NRG1: variants seen among roughly 807,000 people sequenced by gnomAD.
The protein encoded by NRG1 is neuregulin 1.
A neutral mutation model predicts 63.8 loss-of-function variants in NRG1; 18 were observed. The observed-to-expected ratio is 0.28, with a 90% confidence interval of 0.19 to 0.42. The LOEUF is 0.42. Among genes scored for constraint, NRG1 ranks in the 10% least tolerant of loss-of-function variants. NRG1 has a pLI of 1.00. For synonymous variants in NRG1, 302 were observed against 301.3 expected, an observed-to-expected ratio of 1.00 and a Z score of -0.02; for missense variants, 762 against 814.7, an observed-to-expected ratio of 0.94 and a Z score of 0.79.
chr8:32,371,423 A>G (rs1808842713), intron 1 of NRG1, among the ~76,000 whole-genome samples: 1 of 152,188 alleles, frequency 6.6e-6, no homozygotes, highest in South Asian at 2.1e-4. Flanking sequence ...ATCAGTTTTT[A>G]AAAGATGGGC....
chr8:32,302,689 C>A (rs925654430), intron 1 of NRG1, among the ~76,000 whole-genome samples: 1 of 146,496 alleles, frequency 6.8e-6, no homozygotes, highest in Non-Finnish European at 1.5e-5. Flanking sequence ...CTGTGGCATG[C>A]AGAGAGTAGT....
At chr8:32,298,663 G>A (rs1329570197) in intron 1 of NRG1, among the ~76,000 whole-genome samples, 8 of 142,120 alleles carry the variant, frequency 5.6e-5, no homozygotes, top group African/African-American at 1.6e-4. Flanking sequence ...GCAGTGAGCC[G>A]AGACTGCACC....
At chr8:32,420,240 G>A (rs1018261921) in intron 1 of NRG1, among the ~76,000 whole-genome samples, 2 of 152,120 alleles carry the variant, frequency 1.3e-5, no homozygotes, top group African/African-American at 4.8e-5. Context: ...CTTAATGGTG[G>A]CTTGTGGCTC....
At chr8:32,769,809 G>A (rs556272416), downstream of NRG1, among the ~76,000 whole-genome samples, 133 of 152,164 alleles carry the variant, frequency 8.7e-4, no homozygotes, top group African/African-American at 3.2e-3. Context: ...TCCCCTGCAG[G>A]TATCTTTAGG....
intron 1 of NRG1, among the ~76,000 whole-genome samples, chr8:32,012,511 A>G (rs1032311252): frequency 1.3e-5 from 2 of 152,128 alleles, no homozygotes; most frequent in Non-Finnish European, 2.9e-5. Context: ...CAGCTTCTTA[A>G]GAATTATAAT....
chr8:32,289,241 C>A (rs891833970), intron 1 of NRG1, among the ~76,000 whole-genome samples: 1 of 152,034 alleles, frequency 6.6e-6, no homozygotes, highest in African/African-American at 2.4e-5. Flanking sequence ...GATGGACTTC[C>A]TGATTTCTGT....
chr8:32,063,383 T>C (rs923262986), intron 1 of NRG1: 1 of 152,162 alleles, frequency 6.6e-6, no homozygotes, highest in Non-Finnish European at 1.5e-5. Flanking sequence ...TGACCAATGC[T>C]TGGTGGAAAG....
At chr8:32,317,188 G>A (rs1049534739) in intron 1 of NRG1, among the ~76,000 whole-genome samples, 1 of 152,186 alleles carries the variant, frequency 6.6e-6, no homozygotes, top group Non-Finnish European at 1.5e-5. Flanking sequence ...TGTTATCTCA[G>A]TGGGAAAAAT....
At chr8:32,453,930 G>A (rs754457157) in intron 1 of NRG1, among the ~76,000 whole-genome samples, 1 of 152,136 alleles carries the variant, frequency 6.6e-6, no homozygotes, top group Non-Finnish European at 1.5e-5. Context: ...AACATTGGAT[G>A]TAATCCACCT....
chr8:31,826,882 T>C (rs1824620321), intron 1 of NRG1, among the ~76,000 whole-genome samples: 1 of 152,212 alleles, frequency 6.6e-6, no homozygotes, highest in Non-Finnish European at 1.5e-5. Context: ...GGTTTGTTAA[T>C]TTTGTTTTGT....
chr8:32,572,081 A>G (rs1360491439), intron 1 of NRG1, among the ~76,000 whole-genome samples: 1 of 152,034 alleles, frequency 6.6e-6, no homozygotes, highest in Non-Finnish European at 1.5e-5. Flanking sequence ...CTGTCTTCTG[A>G]CTTTTTACCA....
intron 1 of NRG1, among the ~76,000 whole-genome samples, chr8:32,058,038 A>T (rs184782376): frequency 2.2e-5 from 2 of 92,742 alleles, no homozygotes; most frequent in Admixed American, 2.8e-4. Context: ...TTAAGGTGAT[A>T]CATATTCCAA....
At chr8:32,740,044 C>T (rs1410995867) in intron 6 of NRG1, among the ~76,000 whole-genome samples, 1 of 151,948 alleles carries the variant, frequency 6.6e-6, no homozygotes, top group African/African-American at 2.4e-5. Flanking sequence ...CAAATAAAAA[C>T]CCTATTTACT....
At chr8:31,875,170 C>T (rs529748585) in intron 1 of NRG1, among the ~76,000 whole-genome samples, 100 of 152,160 alleles carry the variant, frequency 6.6e-4, no homozygotes, top group African/African-American at 2.2e-3. Flanking sequence ...TTAGGGCATC[C>T]CTTTATCCAT....
chr8:32,503,447 A>C (rs1021247988), intron 1 of NRG1, among the ~76,000 whole-genome samples: 1 of 152,152 alleles, frequency 6.6e-6, no homozygotes, highest in African/African-American at 2.4e-5. Flanking sequence ...AGTAACCAAA[A>C]AGATGTCGGA....
intron 1 of NRG1, among the ~76,000 whole-genome samples, chr8:32,393,355 A>G (rs1050127774): frequency 1.3e-5 from 2 of 152,160 alleles, no homozygotes; most frequent in South Asian, 2.1e-4. Context: ...AAATTAAACT[A>G]CTACTCAACC....
At chr8:32,480,744 C>T (rs565819088) in intron 1 of NRG1, among the ~76,000 whole-genome samples, 7 of 152,256 alleles carry the variant, frequency 4.6e-5, no homozygotes, top group South Asian at 2.1e-4. Flanking sequence ...GGGGAGCCCA[C>T]ATATCAGATG....
At chr8:32,645,048 A>G (rs1853220968) in intron 5 of NRG1, among the ~76,000 whole-genome samples, 1 of 152,162 alleles carries the variant, frequency 6.6e-6, no homozygotes, top group Admixed American at 6.5e-5. Context: ...AAATTGGGGA[A>G]TTCAGTGCCG....
At chr8:32,625,950 C>T (rs2090029711) in intron 5 of NRG1, among the ~76,000 whole-genome samples, 4 of 152,066 alleles carry the variant, frequency 2.6e-5, no homozygotes, top group South Asian at 2.1e-4. Flanking sequence ...CGTGCCACCA[C>T]GCCTGGCTAA....
Sources: allele counts gnomAD v4.1 joint callset (sites outside exome capture counted in the v4.1 genomes callset), GRCh38; gene constraint gnomAD v4.1.1; transcripts MANE v1.5; gene names NCBI Gene and HGNC (gene_info 2026-07-23, HGNC 2026-07-21).